Variants in PARVB observed in about 807,000 individuals in gnomAD.
The protein encoded by PARVB is parvin beta.
Under a neutral mutation model 47.0 loss-of-function variants are expected in PARVB, and 46 were observed. That is an observed-to-expected ratio of 0.98 (90% CI 0.77 to 1.25). PARVB has a LOEUF of 1.25. PARVB is among the 50% of genes most tolerant of loss of function. PARVB has a pLI of 0.00. For synonymous variants in PARVB, 196 were observed against 196.3 expected (o/e 1.00, Z 0.01); for missense variants, 473 against 471.6 (o/e 1.00, Z -0.03).
intron 8 of PARVB, chr22:44,142,569 C>T (rs1464034535): frequency 2.0e-5 from 3 of 152,122 alleles, no homozygotes; most frequent in Non-Finnish European, 2.9e-5. Flanking sequence ...GTGTATAGCA[C>T]CCTGTGGCCC....
chr22:44,000,616 T>A (rs1466980224), intron 2 of PARVB, among the ~76,000 whole-genome samples: 1 of 152,236 alleles, frequency 6.6e-6, no homozygotes, highest in Non-Finnish European at 1.5e-5. Flanking sequence ...GTTGTTCGAT[T>A]GACGCATATG....
intron 1 of PARVB, among the ~76,000 whole-genome samples, chr22:44,031,817 T>G (rs1218402761): frequency 6.6e-6 from 1 of 152,154 alleles, no homozygotes; most frequent in Non-Finnish European, 1.5e-5. Context: ...GGATTTTAAG[T>G]GCTCCGTTGG....
Position 44,125,291 on chromosome 22 carries a change from G to A in PARVB, c.376+6151G>A, listed in dbSNP as rs2053163091. 7.0e-6 allele frequency among the ~76,000 whole-genome samples: 1 copy of A among 142,264 alleles called. No individual in the cohort carries two copies. The highest frequency in any genetic ancestry group is 2.4e-4 in the South Asian group (1 of 4,236). The allele number at this position is 142,264 out of a possible 152,430, so 93.3% of individuals were successfully genotyped here. A position where few individuals can be genotyped will look rare whatever the true frequency, so the allele number is the denominator to read the frequency against. ...GGCTCTTGGCTGTAGAGACACAGTGGGAAACAAGAGAGATGAGCCCCGCAC... is the reference window on the plus strand; with the variant it reads ...GGCTCTTGGCTGTAGAGACACAGTGAGAAACAAGAGAGATGAGCCCCGCAC... On this transcript the variant is annotated intron_variant, in intron 4 of 12. Transcript: ENST00000338758. This position sits in a 1 kb window ranked among gnomAD's most constrained non-coding sequence, Gnocchi z 4.1.
chr22:44,000,586 T>C (rs1421193122), intron 2 of PARVB, among the ~76,000 whole-genome samples: 1 of 152,246 alleles, frequency 6.6e-6, no homozygotes, highest in Non-Finnish European at 1.5e-5. Context: ...TGGTTCTGCA[T>C]TCAGTTTGTT....
At chr22:44,120,334 C>T (rs2053015932) in intron 4 of PARVB, among the ~76,000 whole-genome samples, 1 of 152,210 alleles carries the variant, frequency 6.6e-6, no homozygotes, top group African/African-American at 2.4e-5. Context: ...TTCTTTTAGG[C>T]TTCTTTCATC....
At chr22:44,074,791 G>A (rs939433528) in intron 1 of PARVB, among the ~76,000 whole-genome samples, 1 of 152,232 alleles carries the variant, frequency 6.6e-6, no homozygotes, top group Non-Finnish European at 1.5e-5. Flanking sequence ...GCCGTGTGGT[G>A]TGCCAGCACG....
intron 2 of PARVB, among the ~76,000 whole-genome samples, chr22:44,098,621 C>A (rs1340996473): frequency 6.6e-6 from 1 of 152,078 alleles, no homozygotes; most frequent in Non-Finnish European, 1.5e-5. Context: ...CTGCGGAGGC[C>A]TTTGCAGAGA....
intron 3 of PARVB, chr22:44,115,930 CTAAG>C (rs1358868536): frequency 1.7e-4 from 24 of 138,762 alleles, no homozygotes; most frequent in South Asian, 2.3e-4. Flanking sequence ...TACATTGTTA[CTAAG>C]TAAGGCCCTG....
In PARVB at chr22:44,033,664, A is replaced by G. The variant is rs1252542935; in HGVS notation, c.112+9213A>G. ...TCAGTCGGTAATGTTGGTTTCCCCA[A>G]GCAACGCCATCTTAGGAATTTCTTT... is the stretch of plus-strand genomic sequence containing the variant. On this transcript the variant is annotated intron_variant, in intron 1 of 12. Transcript: ENST00000338758. 2.0e-5 allele frequency among the ~76,000 whole-genome samples: 3 copies of G among 152,218 alleles called. No individual in the cohort carries two copies. In the East Asian group the frequency reaches 5.8e-4, roughly 29 times the overall value.
chr22:44,090,209 C>T (rs1019093482), intron 1 of PARVB, among the ~76,000 whole-genome samples: 1 of 152,232 alleles, frequency 6.6e-6, no homozygotes, highest in Non-Finnish European at 1.5e-5. Context: ...CGAAGCCACA[C>T]ACCAACAAGT....
intron 2 of PARVB, among the ~76,000 whole-genome samples, chr22:44,017,754 T>A (rs576258243): frequency 1.1e-3 from 161 of 152,246 alleles, no homozygotes; most frequent in African/African-American, 3.8e-3. Flanking sequence ...CTTTTGCCCA[T>A]TCACATCCCC....
At chr22:44,015,873 C>T (rs2146859237) in intron 2 of PARVB, among the ~76,000 whole-genome samples, 1 of 152,114 alleles carries the variant, frequency 6.6e-6, no homozygotes, top group East Asian at 1.9e-4. Context: ...ACTTTTAACA[C>T]CTTATACAAA....
intron 1 of PARVB, among the ~76,000 whole-genome samples, chr22:44,063,258 G>A (rs368897590): frequency 1.3e-5 from 2 of 149,516 alleles, no homozygotes; most frequent in African/African-American, 5.0e-5. Flanking sequence ...ATGGAGTCTC[G>A]GTCTGTCACC....
At chr22:44,077,483 C>A (rs896438914) in intron 1 of PARVB, among the ~76,000 whole-genome samples, 22 of 151,910 alleles carry the variant, frequency 1.4e-4, no homozygotes, top group Middle Eastern at 3.4e-3. Flanking sequence ...CTCCAGTGTG[C>A]CTTTTAGGGG....
intron 1 of PARVB, among the ~76,000 whole-genome samples, chr22:44,064,448 C>T (rs978591080): frequency 6.6e-6 from 1 of 152,224 alleles, no homozygotes; most frequent in African/African-American, 2.4e-5. Flanking sequence ...GGTCAGTGTT[C>T]AAGTTCTGAT....
intron 4 of PARVB, among the ~76,000 whole-genome samples, chr22:44,129,346 G>A (rs754887745): frequency 5.3e-5 from 8 of 152,182 alleles, no homozygotes; most frequent in Non-Finnish European, 8.8e-5. Context: ...TGTTTAAGCC[G>A]CACGGTGTGT....
chr22:44,130,125 C>T (rs989314650), intron 4 of PARVB, among the ~76,000 whole-genome samples: 1 of 152,216 alleles, frequency 6.6e-6, no homozygotes, highest in African/African-American at 2.4e-5. Flanking sequence ...ACAGAAACCC[C>T]ATTTGTGACT....
chr22:44,027,036 C>T (rs2050742255), intron 1 of PARVB, among the ~76,000 whole-genome samples: 1 of 151,172 alleles, frequency 6.6e-6, no homozygotes, highest in African/African-American at 2.4e-5. Context: ...TCACGGTGGG[C>T]GTGATTAAGG....
chr22:43,999,403 C>A lies in PARVB; in HGVS notation c.63C>A (p.Asn21Lys), dbSNP rs140454524. ...AAAGGGGATTCCTTAGTCCAGAGAACAAAAACTGGTGAGCTGTGATTTAAA... is the reference window on the plus strand; with the variant it reads ...AAAGGGGATTCCTTAGTCCAGAGAAAAAAAACTGGTGAGCTGTGATTTAAA... Residue 21 changes from asparagine (N) to lysine (K), a missense_variant, in exon 1 of 14, where the codon AAC becomes AAA. Physicochemically the swap from Asn to Lys is moderately conservative, Grantham distance 94. Transcript: ENST00000406477. 12 of 1,609,390 alleles carry A rather than the reference C, an allele frequency of 7.5e-6. No individual in the cohort carries two copies. In the African/African-American group the frequency reaches 1.3e-4, roughly 18 times the overall value.
Sources: gnomAD v4.1 joint callset for allele counts (sites outside exome capture counted in the v4.1 genomes callset) on GRCh38, gnomAD v4.1.1 for gene constraint, Gnocchi (gnomAD v3.1) non-coding constraint, MANE v1.5 for transcripts, NCBI Gene and HGNC (gene_info 2026-07-23, HGNC 2026-07-21) for gene names.